The following NKAIN3 variants were observed in gnomAD, a reference collection of about 807,000 sequenced individuals.
NKAIN3 encodes the protein sodium/potassium-transporting ATPase subunit beta-1-interacting protein 3.
NKAIN3 carries 25 observed loss-of-function variants against 30.2 expected under a neutral mutation model. That is an observed-to-expected ratio of 0.83 (90% CI 0.60 to 1.16). The LOEUF (loss-of-function observed/expected upper bound fraction) is 1.16. Ranked by LOEUF, NKAIN3 falls within the 50% of genes most tolerant of loss-of-function variation. The pLI, the probability that NKAIN3 is intolerant of heterozygous loss-of-function variation, is 0.00. For synonymous variants in NKAIN3, 91 were observed against 89.6 expected (o/e 1.02, Z -0.09); for missense variants, 225 against 254.1 (o/e 0.89, Z 0.78).
intron 1 of NKAIN3, among the ~76,000 whole-genome samples, chr8:62,556,205 C>T (rs1809381608): frequency 6.6e-6 from 1 of 151,540 alleles, no homozygotes; most frequent in Non-Finnish European, 1.5e-5. Context: ...TTAGAAAATA[C>T]CTATTTGGGG....
chr8:62,264,852 G>A (rs768418303), intron 1 of NKAIN3, among the ~76,000 whole-genome samples: 14 of 152,040 alleles, frequency 9.2e-5, no homozygotes, highest in African/African-American at 3.4e-4. Flanking sequence ...GCCTGGCTGC[G>A]TCACACCATG....
intron 5 of NKAIN3, among the ~76,000 whole-genome samples, chr8:62,996,583 G>A (rs1263730537): frequency 6.6e-6 from 1 of 152,098 alleles, no homozygotes; most frequent in Non-Finnish European, 1.5e-5. Context: ...AAAAGTCCAA[G>A]TCCAAAGTCT....
At chr8:62,319,808 G>A (rs1489774474) in intron 1 of NKAIN3, among the ~76,000 whole-genome samples, 3 of 152,174 alleles carry the variant, frequency 2.0e-5, no homozygotes, top group Admixed American at 1.3e-4. Flanking sequence ...TGTATATTCT[G>A]TTGATTTTGG....
intron 1 of NKAIN3, among the ~76,000 whole-genome samples, chr8:62,346,140 T>C (rs1026390033): frequency 6.6e-6 from 1 of 152,076 alleles, no homozygotes; most frequent in Non-Finnish European, 1.5e-5. Flanking sequence ...AGGAAGAATA[T>C]GTTCAGGTGT....
chr8:62,678,453 A>G lies in NKAIN3; in HGVS notation c.274-68479A>G, dbSNP rs73685432. Among the ~76,000 whole-genome samples the G allele has an allele frequency of 9.7e-3, 1,481 of 152,252 alleles. 21 individuals are homozygous for G. The highest frequency in any genetic ancestry group is 0.034 in the African/African-American group (1,403 of 41,548). On this transcript the variant is annotated intron_variant, in intron 3 of 6. Coordinates refer to ENST00000623646, the MANE Select transcript of NKAIN3 (RefSeq NM_001304533.3). ...TACGGGCTGCTCAATTCCACCCAAT[A>G]CTGACATTTTGTTCTCTCCCACTCT...
intron 4 of NKAIN3, among the ~76,000 whole-genome samples, chr8:62,875,976 T>C (rs954763628): frequency 3.3e-5 from 5 of 152,002 alleles, no homozygotes; most frequent in Admixed American, 3.3e-4. Flanking sequence ...AATTGACAAA[T>C]GAGATCTAAT....
At chr8:62,400,457 T>G (rs1378559043) in intron 1 of NKAIN3, among the ~76,000 whole-genome samples, 1 of 151,908 alleles carries the variant, frequency 6.6e-6, no homozygotes, top group African/African-American at 2.4e-5. Flanking sequence ...CAGGCATGAG[T>G]CATGACACCT....
intron 1 of NKAIN3, among the ~76,000 whole-genome samples, chr8:62,264,084 T>C (rs968238277): frequency 3.3e-5 from 5 of 152,204 alleles, no homozygotes; most frequent in African/African-American, 1.2e-4. Context: ...ATATTTCTAA[T>C]AGTGAAGTAT....
intron 4 of NKAIN3, chr8:62,863,439 G>C (rs1047827331): frequency 3.2e-6 from 5 of 1,555,304 alleles, no homozygotes; most frequent in Non-Finnish European, 4.4e-6. Flanking sequence ...TGGTCTTACT[G>C]TGTAGATATT....
chr8:62,310,129 A>T (rs1174087534), intron 1 of NKAIN3, among the ~76,000 whole-genome samples: 5 of 150,544 alleles, frequency 3.3e-5, no homozygotes, highest in Non-Finnish European at 7.4e-5. Flanking sequence ...TGCCTCCTTT[A>T]TATTGAGTCT....
intron 6 of NKAIN3, among the ~76,000 whole-genome samples, chr8:62,962,082 A>G (rs1210884032): frequency 6.6e-6 from 1 of 152,212 alleles, no homozygotes; most frequent in Admixed American, 6.5e-5. Flanking sequence ...ACCCACACAC[A>G]TGCACATACA....
At chr8:62,577,385 T>A (rs1233605675) in intron 1 of NKAIN3, among the ~76,000 whole-genome samples, 3 of 151,772 alleles carry the variant, frequency 2.0e-5, no homozygotes, top group African/African-American at 7.3e-5. Context: ...GAAAAGAAAA[T>A]GAGTTTTTCT....
At chr8:62,988,984 A>T (rs1457597203), downstream of NKAIN3, among the ~76,000 whole-genome samples, 1 of 152,224 alleles carries the variant, frequency 6.6e-6, no homozygotes, top group African/African-American at 2.4e-5. Flanking sequence ...TCTCTAGGAC[A>T]GGGGCAAAAT....
intron 1 of NKAIN3, among the ~76,000 whole-genome samples, chr8:62,485,938 A>G (rs1369589996): frequency 6.6e-6 from 1 of 152,222 alleles, no homozygotes; most frequent in Non-Finnish European, 1.5e-5. Flanking sequence ...GAGTGATGAC[A>G]ACAAGTACAT....
intron 1 of NKAIN3, among the ~76,000 whole-genome samples, chr8:62,472,638 T>C (rs760556702): frequency 5.3e-5 from 8 of 152,132 alleles, no homozygotes; most frequent in African/African-American, 1.7e-4. Context: ...AAAAATGCCA[T>C]TGATGCTGCC....
intron 1 of NKAIN3, among the ~76,000 whole-genome samples, chr8:62,274,719 T>A (rs773788523): frequency 1.1e-4 from 17 of 151,954 alleles, no homozygotes; most frequent in African/African-American, 3.9e-4. Context: ...AGCATTAGGT[T>A]TATCTCCTAA....
intron 1 of NKAIN3, among the ~76,000 whole-genome samples, chr8:62,477,434 C>G (rs1806556780): frequency 6.6e-6 from 1 of 152,118 alleles, no homozygotes; most frequent in Non-Finnish European, 1.5e-5. Flanking sequence ...AGGGAAAGAG[C>G]AATGCAGGCT....
Position 62,335,448 on chromosome 8 carries a change from A to AAAG in NKAIN3, c.54+86323_54+86324insGAA, listed in dbSNP as rs1554668210. Among the ~76,000 whole-genome samples the AAAG allele has an allele frequency of 8.0e-5, 12 of 150,626 alleles. No homozygotes were observed. In the East Asian group the frequency reaches 1.4e-3, roughly 17 times the overall value. On this transcript the variant is annotated intron_variant, in intron 1 of 6. Transcript: ENST00000623646. ...ACTCTGTCTCAAAAAAAAAAAAAAA[A>AAAG]AAAGAAAGAAAGAAAGAAAAGAAAA...
intron 4 of NKAIN3, among the ~76,000 whole-genome samples, chr8:62,885,735 C>T (rs1586310405): frequency 6.6e-6 from 1 of 152,140 alleles, no homozygotes; most frequent in Non-Finnish European, 1.5e-5. Flanking sequence ...TATGTAATGT[C>T]GAACTTTATC....
Sources: allele counts gnomAD v4.1 joint callset (sites outside exome capture counted in the v4.1 genomes callset), GRCh38; gene constraint gnomAD v4.1.1; transcripts MANE v1.5; gene names NCBI Gene and HGNC (gene_info 2026-07-23, HGNC 2026-07-21).